PDZRN4: variants seen among roughly 807,000 people sequenced by gnomAD.
PDZRN4 encodes PDZ domain-containing RING finger protein 4.
Under a neutral mutation model 99.0 loss-of-function variants are expected in PDZRN4, and 70 were observed. The observed-to-expected ratio is 0.71, with a 90% CI of 0.58 to 0.86. PDZRN4 has a LOEUF of 0.86. Ranked by LOEUF, PDZRN4 falls within the 40% of genes least tolerant of loss-of-function variation. The pLI, the probability that PDZRN4 is intolerant of heterozygous loss-of-function variation, is 0.00. For synonymous variants in PDZRN4, 551 were observed against 501.6 expected (o/e 1.10, Z -1.32); for missense variants, 1,474 against 1,331.2 (o/e 1.11, Z -1.67).
chr12:41,314,724 A>AT (rs1339439333), intron 3 of PDZRN4, among the ~76,000 whole-genome samples: 3 of 151,214 alleles, frequency 2.0e-5, no homozygotes, highest in South Asian at 2.1e-4. Flanking sequence ...TGTTTTGGTT[A>AT]TTTTTTTTCT....
chr12:41,354,963 A>G (rs1239160557), intron 3 of PDZRN4, among the ~76,000 whole-genome samples: 1 of 152,092 alleles, frequency 6.6e-6, no homozygotes, highest in Non-Finnish European at 1.5e-5. Context: ...AATTGAGGCA[A>G]GGTAAATTCC....
At chr12:41,384,776 G>A (rs1417613969) in intron 3 of PDZRN4, among the ~76,000 whole-genome samples, 4 of 152,092 alleles carry the variant, frequency 2.6e-5, no homozygotes. Flanking sequence ...TGTGTGCCCT[G>A]GGTGAGACTC....
At chr12:41,490,277 C>T (rs969940268) in intron 3 of PDZRN4, among the ~76,000 whole-genome samples, 2 of 152,108 alleles carry the variant, frequency 1.3e-5, no homozygotes, top group Non-Finnish European at 2.9e-5. Flanking sequence ...AGAGAGTTTT[C>T]TCCAGGTCTA....
At chr12:41,304,668 G>A (rs960084756) in intron 3 of PDZRN4, among the ~76,000 whole-genome samples, 1 of 152,150 alleles carries the variant, frequency 6.6e-6, no homozygotes, top group African/African-American at 2.4e-5. Context: ...AAATGCTAGA[G>A]ATATAAAAAT....
chr12:41,390,092 TA>T (rs1303106790), intron 3 of PDZRN4, among the ~76,000 whole-genome samples: 1 of 152,142 alleles, frequency 6.6e-6, no homozygotes, highest in African/African-American at 2.4e-5. Flanking sequence ...TGCCTGAGAT[TA>T]AAACCCTTTT....
At chr12:41,219,286 T>C (rs186358838) in intron 3 of PDZRN4, among the ~76,000 whole-genome samples, 18 of 152,210 alleles carry the variant, frequency 1.2e-4, no homozygotes, top group Admixed American at 1.2e-3. Context: ...GAGCATGATC[T>C]CTGACCTGAA....
intron 3 of PDZRN4, among the ~76,000 whole-genome samples, chr12:41,247,554 C>A (rs998149605): frequency 6.6e-6 from 1 of 152,094 alleles, no homozygotes; most frequent in Non-Finnish European, 1.5e-5. Flanking sequence ...GGGTTCATCG[C>A]CCTTTTGACT....
intron 3 of PDZRN4, among the ~76,000 whole-genome samples, chr12:41,264,971 A>T (rs767380247): frequency 8.5e-5 from 13 of 152,166 alleles, no homozygotes; most frequent in Non-Finnish European, 1.8e-4. Context: ...AGAGAAAGGA[A>T]TGAAAAACTA....
intron 3 of PDZRN4, among the ~76,000 whole-genome samples, chr12:41,500,566 T>C (rs1370540747): frequency 6.6e-6 from 1 of 152,150 alleles, no homozygotes; most frequent in Admixed American, 6.6e-5. Flanking sequence ...AGTGATTGTT[T>C]TGTTCATTGA....
intron 3 of PDZRN4, among the ~76,000 whole-genome samples, chr12:41,333,869 C>T (rs1442121938): frequency 6.6e-6 from 1 of 152,124 alleles, no homozygotes; most frequent in African/African-American, 2.4e-5. Flanking sequence ...TGAAGAATCT[C>T]TGTTGGATCA....
chr12:41,572,774 G>C lies in PDZRN4; in HGVS notation c.1995G>C (p.Glu665Asp). The C allele has an allele frequency of 6.2e-7, 1 of 1,614,126 alleles. No individual in the cohort carries two copies. The highest frequency in any genetic ancestry group is 1.3e-5 in the African/African-American group (1 of 75,058). ...NQGEQEGVEH[E>D]LQLLNEELRN... is the part of the protein sequence containing the mutation. ...GGGAGCAAGAGGGAGTGGAGCATGA[G>C]CTACAGTTGCTTAATGAAGAACTGA... The change falls in exon 10 of 10, where the codon GAG (glutamate) becomes GAC (aspartate). Residue 665 changes from glutamate to aspartate, a missense_variant. Coordinates refer to ENST00000402685, the MANE Select transcript of PDZRN4 (RefSeq NM_001164595.2).
At chr12:41,447,601 T>A (rs970939103) in intron 3 of PDZRN4, among the ~76,000 whole-genome samples, 1 of 152,092 alleles carries the variant, frequency 6.6e-6, no homozygotes, top group Admixed American at 6.6e-5. Context: ...ATTACATAAA[T>A]GGTAATTTTT....
At chr12:41,339,564 G>T (rs1592018774) in intron 3 of PDZRN4, among the ~76,000 whole-genome samples, 2 of 152,000 alleles carry the variant, frequency 1.3e-5, no homozygotes, top group African/African-American at 2.4e-5. Context: ...AAGCAACAAA[G>T]CAAAATGGAC....
intron 5 of PDZRN4, among the ~76,000 whole-genome samples, chr12:41,548,636 G>T (rs868835447): frequency 6.6e-6 from 1 of 152,120 alleles, no homozygotes; most frequent in Non-Finnish European, 1.5e-5. Context: ...GGCATGCATG[G>T]GCCTAAGGGT....
At chr12:41,478,531 A>T (rs564236573) in intron 3 of PDZRN4, among the ~76,000 whole-genome samples, 1 of 152,330 alleles carries the variant, frequency 6.6e-6, no homozygotes, top group South Asian at 2.1e-4. Context: ...CTATTATAAT[A>T]TGTAAAATGT....
At chr12:41,465,201 C>T (rs568647423) in intron 3 of PDZRN4, among the ~76,000 whole-genome samples, 1 of 152,312 alleles carries the variant, frequency 6.6e-6, no homozygotes, top group Admixed American at 6.5e-5. Context: ...ACTCCTTTCT[C>T]TAAGGGCGTA....
chr12:41,191,942 C>A (rs1950738512), intron 2 of PDZRN4, among the ~76,000 whole-genome samples: 2 of 151,802 alleles, frequency 1.3e-5, no homozygotes, highest in African/African-American at 2.4e-5. Flanking sequence ...GCCACCACAC[C>A]CGGCTAATTT....
intron 3 of PDZRN4, among the ~76,000 whole-genome samples, chr12:41,280,664 G>A (rs1423253793): frequency 6.6e-6 from 1 of 152,212 alleles, no homozygotes; most frequent in African/African-American, 2.4e-5. Context: ...CCTCTCTAGA[G>A]TCCTCCTCTC....
rs527338703 is a variant in PDZRN4 at position 41,566,253 on chromosome 12, C to G, written c.1468-1530C>G. Among the ~76,000 whole-genome samples, 4 of 152,282 alleles carry G rather than the reference C, an allele frequency of 2.6e-5. No individual in the cohort carries two copies. In the South Asian group the frequency reaches 8.3e-4, roughly 32 times the overall value. Reference sequence around the variant, plus strand: ...TAATCCTCAAAGGACTCTGTTTCATCATTCAATATATCAGTGTTAGAAAAT... The same window carrying G: ...TAATCCTCAAAGGACTCTGTTTCATGATTCAATATATCAGTGTTAGAAAAT... On this transcript the variant is annotated intron_variant, in intron 8 of 9. Transcript: ENST00000402685.
Sources: gnomAD v4.1 joint callset for allele counts (sites outside exome capture counted in the v4.1 genomes callset) on GRCh38, gnomAD v4.1.1 for gene constraint, MANE v1.5 for transcripts, NCBI Gene and HGNC (gene_info 2026-07-23, HGNC 2026-07-21) for gene names.